The following TPST1 variants were observed in gnomAD, a reference collection of about 807,000 sequenced individuals.
TPST1 encodes the protein tyrosylprotein sulfotransferase 1.
TPST1 carries 20 observed loss-of-function variants against 34.8 expected under a neutral mutation model. The observed-to-expected ratio is 0.57, with a 90% confidence interval of 0.40 to 0.84. The LOEUF (loss-of-function observed/expected upper bound fraction) is 0.84. Ranked by LOEUF, TPST1 falls within the 40% of genes least tolerant of loss-of-function variation. TPST1 has a pLI of 0.00. For missense variants in TPST1, 353 were observed against 455.5 expected, an observed-to-expected ratio of 0.78 and a Z score of 2.05; for synonymous variants, 152 against 159.4, an observed-to-expected ratio of 0.95 and a Z score of 0.35.
At chr7:66,307,210 C>T (rs1163728001) in intron 3 of TPST1, among the ~76,000 whole-genome samples, 3 of 151,702 alleles carry the variant, frequency 2.0e-5, no homozygotes, top group Admixed American at 1.3e-4. Context: ...GTCCGCCTCC[C>T]GGGTTCATGC....
At chr7:66,223,736 T>G (rs1180178213) in intron 1 of TPST1, among the ~76,000 whole-genome samples, 1 of 152,186 alleles carries the variant, frequency 6.6e-6, no homozygotes, top group South Asian at 2.1e-4. Context: ...ATGAAAAATT[T>G]CAAACATATC....
At chr7:66,264,994 G>C (rs1790562569) in intron 2 of TPST1, among the ~76,000 whole-genome samples, 1 of 152,046 alleles carries the variant, frequency 6.6e-6, no homozygotes. Flanking sequence ...TAGAAATTAT[G>C]AACTAAACCA....
In TPST1 at chr7:66,292,491, T is replaced by C. The variant is rs7458282; in HGVS notation, c.1044+5782T>C. On this transcript the variant is annotated intron_variant, in intron 3 of 5. Coordinates refer to ENST00000304842, the MANE Select transcript of TPST1 (RefSeq NM_003596.4). ...GCCTTGCAGTTTGATCTCAGACTGC[T>C]GTGCTAGCAATCAGCGAGATTCCGT... Among the ~76,000 whole-genome samples, 331 of 48,526 alleles carry C rather than the reference T, an allele frequency of 6.8e-3. 2 individuals are homozygous for C. The highest frequency in any genetic ancestry group is 0.034 in the Middle Eastern group (6 of 176). 31.8% of individuals were successfully genotyped at this position (48,526 alleles called of 152,430 possible).
At chr7:66,223,979 A>G (rs551917899) in intron 1 of TPST1, among the ~76,000 whole-genome samples, 5 of 152,238 alleles carry the variant, frequency 3.3e-5, no homozygotes, top group South Asian at 4.1e-4. Flanking sequence ...AGTTCTTGGT[A>G]TGGGTTTTTT....
intron 1 of TPST1, among the ~76,000 whole-genome samples, chr7:66,224,584 G>A (rs1028080526): frequency 6.6e-6 from 1 of 152,212 alleles, no homozygotes; most frequent in East Asian, 1.9e-4. Context: ...GCTCTTGAGT[G>A]TGTGTACCTG....
At chr7:66,335,871 C>T (rs892624869) in intron 3 of TPST1, among the ~76,000 whole-genome samples, 5 of 152,136 alleles carry the variant, frequency 3.3e-5, no homozygotes, top group African/African-American at 7.2e-5. Context: ...AATGTGCAAG[C>T]ATCAACATAA....
At chr7:66,201,921 G>A (rs1170480680), upstream of TPST1, among the ~76,000 whole-genome samples, 1 of 149,964 alleles carries the variant, frequency 6.7e-6, no homozygotes, top group Admixed American at 6.7e-5. Context: ...AGGTGCCCAA[G>A]AGTACATAGC....
At chr7:66,325,351 G>A (rs1020669668) in intron 3 of TPST1, among the ~76,000 whole-genome samples, 1 of 152,084 alleles carries the variant, frequency 6.6e-6, no homozygotes, top group Non-Finnish European at 1.5e-5. Flanking sequence ...GGGACACAAA[G>A]CCTAACCATA....
intron 2 of TPST1, among the ~76,000 whole-genome samples, chr7:66,277,068 C>T (rs1380204991): frequency 6.6e-6 from 1 of 152,102 alleles, no homozygotes; most frequent in Non-Finnish European, 1.5e-5. Context: ...AGCCTCCCCT[C>T]GCTTGTATCG....
chr7:66,352,979 T>A, intron 4 of TPST1: 2 of 984,434 alleles, frequency 2.0e-6, no homozygotes, highest in Non-Finnish European at 2.4e-6. Context: ...AGATGACTTA[T>A]ATATACACAT....
intron 2 of TPST1, among the ~76,000 whole-genome samples, chr7:66,284,368 T>A (rs189010526): frequency 7.9e-5 from 12 of 151,900 alleles, no homozygotes; most frequent in South Asian, 4.2e-4. Flanking sequence ...ACATTTTTTT[T>A]ATTGTTCTCT....
intron 2 of TPST1, among the ~76,000 whole-genome samples, chr7:66,284,273 C>T (rs1790987399): frequency 2.0e-5 from 3 of 152,014 alleles, no homozygotes; most frequent in Admixed American, 1.3e-4. Flanking sequence ...TAATAATAGC[C>T]GTTGTTTAGT....
intron 1 of TPST1, among the ~76,000 whole-genome samples, chr7:66,217,754 T>G (rs1243706584): frequency 6.6e-6 from 1 of 151,598 alleles, no homozygotes; most frequent in Non-Finnish European, 1.5e-5. Flanking sequence ...CTGGCTAATT[T>G]TTTGTATTTT....
At chr7:66,283,459 C>G (rs1790973808) in intron 2 of TPST1, among the ~76,000 whole-genome samples, 1 of 152,098 alleles carries the variant, frequency 6.6e-6, no homozygotes, top group African/African-American at 2.4e-5. Context: ...GCCATATGGT[C>G]TCTTCCTCAG....
chr7:66,255,627 A>C (rs191484304), intron 2 of TPST1, among the ~76,000 whole-genome samples: 1 of 152,182 alleles, frequency 6.6e-6, no homozygotes, highest in Non-Finnish European at 1.5e-5. Context: ...GTTTCAGAAT[A>C]CCCAAAAAAT....
At chr7:66,329,077 A>G (rs1791944554) in intron 3 of TPST1, among the ~76,000 whole-genome samples, 1 of 150,412 alleles carries the variant, frequency 6.6e-6, no homozygotes, top group Non-Finnish European at 1.5e-5. Context: ...ACGCCCAGCT[A>G]ATACTTGTAT....
At chr7:66,342,701 G>C (rs1437992450) in intron 3 of TPST1, among the ~76,000 whole-genome samples, 2 of 152,292 alleles carry the variant, frequency 1.3e-5, no homozygotes, top group Non-Finnish European at 1.5e-5. Context: ...CACATGGAGA[G>C]AGAGAGAGCA....
At chr7:66,275,615 C>T (rs1020763231) in intron 2 of TPST1, among the ~76,000 whole-genome samples, 1 of 152,052 alleles carries the variant, frequency 6.6e-6, no homozygotes, top group African/African-American at 2.4e-5. Flanking sequence ...ATGAAATAAG[C>T]CAGGCATGGA....
At chr7:66,358,988 G>C (rs1356556461) in intron 5 of TPST1, 1 of 152,234 alleles carries the variant, frequency 6.6e-6, no homozygotes, top group East Asian at 1.9e-4. Flanking sequence ...CCTTAGGATG[G>C]ATACTATCTT....
Sources: allele counts gnomAD v4.1 joint callset (sites outside exome capture counted in the v4.1 genomes callset), GRCh38; gene constraint gnomAD v4.1.1; transcripts MANE v1.5; gene names NCBI Gene and HGNC (gene_info 2026-07-23, HGNC 2026-07-21).